Variants in PDE3B observed in about 807,000 individuals in gnomAD.
The protein encoded by PDE3B is cGMP-inhibited 3',5'-cyclic phosphodiesterase 3B.
A neutral mutation model predicts 116.8 loss-of-function variants in PDE3B; 66 were observed. The ratio of observed to expected loss-of-function variants is 0.56; its 90% CI spans 0.46 to 0.69. The LOEUF is 0.69. PDE3B is among the 30% of genes least tolerant of loss of function. The pLI, the probability that PDE3B is intolerant of heterozygous loss-of-function variation, is 0.00. For synonymous variants in PDE3B, 595 were observed against 533.6 expected (o/e 1.12, Z -1.59); for missense variants, 1,384 against 1,368.1 (o/e 1.01, Z -0.18).
At chr11:14,730,161 A>G (rs1410827378) in intron 1 of PDE3B, among the ~76,000 whole-genome samples, 1 of 152,208 alleles carries the variant, frequency 6.6e-6, no homozygotes, top group Non-Finnish European at 1.5e-5. Flanking sequence ...TGTTGCTACC[A>G]TCAGTTTCCA....
intron 1 of PDE3B, among the ~76,000 whole-genome samples, chr11:14,664,737 T>C (rs964726844): frequency 3.9e-5 from 6 of 152,178 alleles, no homozygotes; most frequent in South Asian, 2.1e-4. Flanking sequence ...ACTCTCTGAA[T>C]AGACCAATAA....
rs1853350423 is a variant in PDE3B, at chr11:14,645,018, A to T, written c.943A>T (p.Arg315Trp). The T allele has an allele frequency of 6.2e-7, 1 of 1,612,564 alleles. No individual in the cohort carries two copies. The highest frequency in any genetic ancestry group is 1.1e-5 in the South Asian group (1 of 91,010). ...TTACTATGGCAGTTGCAAAATATTC[A>T]GGAGACCGTCGTTGCCTTGTATTTC... Reference protein sequence around the residue: ...ASYYGSCKIFRRPSLPCISRE... With the variant: ...ASYYGSCKIFWRPSLPCISRE... The change falls in exon 1 of 16, where the codon AGG (arginine) becomes TGG (tryptophan). Residue 315 changes from arginine (R) to tryptophan (W), a missense_variant. Arg to Trp is a moderately radical substitution (Grantham distance 101). This residue lies in a region of PDE3B where 956 missense variants were observed against 806.8 expected (regional missense o/e 1.18). Transcript: ENST00000282096.
chr11:14,725,881 C>A (rs10832294), intron 1 of PDE3B, among the ~76,000 whole-genome samples: 53,456 of 151,424 alleles, frequency 0.35, 10,838 homozygotes, highest in South Asian at 0.46. Flanking sequence ...AACCAAAATT[C>A]TTTGATCATA....
At chr11:14,674,296 C>T in intron 1 of PDE3B, 3 of 1,043,072 alleles carry the variant, frequency 2.9e-6, no homozygotes, top group Non-Finnish European at 4.5e-6. Context: ...TATCGTCTTC[C>T]CCTCTGCATA....
downstream of PDE3B, among the ~76,000 whole-genome samples, chr11:14,876,924 A>T (rs768481212): frequency 2.0e-5 from 3 of 152,110 alleles, no homozygotes; most frequent in Non-Finnish European, 4.4e-5. Context: ...GCAACTGGAA[A>T]CATCTGAATA....
the PDE3B span, chr11:14,891,743 C>T: frequency 7.4e-7 from 1 of 1,348,872 alleles, no homozygotes; most frequent in Non-Finnish European, 9.5e-7. Context: ...TGGATCGCCT[C>T]GGAGCCTCGG....
chr11:14,771,062 G>A (rs997122930), intron 1 of PDE3B, among the ~76,000 whole-genome samples: 1 of 151,530 alleles, frequency 6.6e-6, no homozygotes, highest in African/African-American at 2.4e-5. Flanking sequence ...ACTTAAGCCT[G>A]AAGGACAAAA....
At position 14,835,291 on chromosome 11, in the gene PDE3B, A is replaced by T. The variant is rs144551905; in HGVS notation, c.2320+196A>T. Among the ~76,000 whole-genome samples the T allele has an allele frequency of 4.7e-3, 723 of 152,278 alleles. 4 individuals are homozygous for T. Among genetic ancestry groups the T allele is most frequent in the African/African-American group, 0.016 (660 of 41,562 alleles). On this transcript the variant is annotated intron_variant, in intron 11 of 15. Coordinates refer to ENST00000282096, the MANE Select transcript of PDE3B (RefSeq NM_000922.4). Reference sequence around the variant, plus strand: ...TTGATGCATAATAATGACATGAAAAATTTTAAACCTGATACCCATCTTAAA... The same window carrying T: ...TTGATGCATAATAATGACATGAAAATTTTTAAACCTGATACCCATCTTAAA...
intron 1 of PDE3B, among the ~76,000 whole-genome samples, chr11:14,663,138 A>G (rs1029806904): frequency 1.3e-5 from 2 of 152,194 alleles, no homozygotes; most frequent in African/African-American, 4.8e-5. Context: ...GCCAGAAGAG[A>G]GTGGGGGCCA....
At chr11:14,874,975 G>T (rs553177017), downstream of PDE3B, among the ~76,000 whole-genome samples, 2 of 152,180 alleles carry the variant, frequency 1.3e-5, no homozygotes, top group South Asian at 4.2e-4. Context: ...GACGAAATTA[G>T]GGAGCCCTCA....
chr11:14,753,722 C>T (rs1262471852), intron 1 of PDE3B, among the ~76,000 whole-genome samples: 1 of 152,010 alleles, frequency 6.6e-6, no homozygotes. Context: ...GAAAGGGGAG[C>T]AGGAACTCCC....
intron 12 of PDE3B, among the ~76,000 whole-genome samples, chr11:14,850,938 C>G (rs1847735310): frequency 6.6e-6 from 1 of 151,576 alleles, no homozygotes. Flanking sequence ...ATGCCATTAT[C>G]CTGCCTCAGT....
chr11:14,714,164 A>G (rs761586062), intron 1 of PDE3B, among the ~76,000 whole-genome samples: 22 of 151,980 alleles, frequency 1.4e-4, no homozygotes, highest in Admixed American at 3.3e-4. Context: ...ATCATTTTTC[A>G]TTACTCTATC....
At chr11:14,782,225 GCATTGACTTTCTTCA>G (rs1368085970) in intron 2 of PDE3B, among the ~76,000 whole-genome samples, 2 of 152,146 alleles carry the variant, frequency 1.3e-5, no homozygotes, top group African/African-American at 4.8e-5. Flanking sequence ...CAACAAGCTA[GCATTGACTTTCTTCA>G]CAGAATTGGA....
downstream of PDE3B, among the ~76,000 whole-genome samples, chr11:14,872,249 T>C (rs556748682): frequency 6.2e-4 from 95 of 152,322 alleles, no homozygotes; most frequent in African/African-American, 2.0e-3. Flanking sequence ...TCCTTCATTA[T>C]AGTTGCCAGA....
chr11:14,886,177 G>A, the PDE3B span: 1 of 470,870 alleles, frequency 2.1e-6, no homozygotes, highest in Non-Finnish European at 3.9e-6. Flanking sequence ...GGACTCGGGA[G>A]GCCTGGGTCT....
intron 14 of PDE3B, among the ~76,000 whole-genome samples, chr11:14,864,739 C>T (rs1293213612): frequency 2.6e-5 from 4 of 152,108 alleles, no homozygotes; most frequent in Middle Eastern, 3.4e-3. Context: ...GACATGGAAA[C>T]GGAACAACCT....
At position 14,815,055 on chromosome 11, in the gene PDE3B, T is replaced by G. The variant is rs566339782; in HGVS notation, c.1523-3128T>G. 6.6e-5 allele frequency among the ~76,000 whole-genome samples: 10 copies of G among 151,476 alleles called. No individual in the cohort carries two copies. In the South Asian group the frequency reaches 2.1e-3, roughly 32 times the overall value. On this transcript the variant is annotated intron_variant, in intron 5 of 15. Transcript: ENST00000282096. ...GGGAGGCTGAGGCAGGAGAATTGCT[T>G]GAACCCAACAGATGGAGGCTGCAGT... is the stretch of plus-strand genomic sequence containing the variant.
chr11:14,736,047 G>A (rs1856589196), intron 1 of PDE3B, among the ~76,000 whole-genome samples: 2 of 151,540 alleles, frequency 1.3e-5, no homozygotes, highest in South Asian at 4.2e-4. Flanking sequence ...GATAGTAGAA[G>A]ACAAGTAATC....
Sources: gnomAD v4.1 joint callset for allele counts (sites outside exome capture counted in the v4.1 genomes callset) on GRCh38, gnomAD v4.1.1 for gene constraint, gnomAD v4.1.1 regional missense constraint, MANE v1.5 for transcripts, NCBI Gene and HGNC (gene_info 2026-07-23, HGNC 2026-07-21) for gene names.